The following VWA8 variants were observed in gnomAD, a reference collection of about 807,000 sequenced individuals.
VWA8 encodes von Willebrand factor A domain containing 8.
Under a neutral mutation model 241.5 loss-of-function variants are expected in VWA8, and 221 were observed. That is an observed-to-expected ratio of 0.91 (90% CI 0.82 to 1.02). VWA8 has a LOEUF of 1.02. VWA8 is among the 50% of genes least tolerant of loss of function. The probability of loss-of-function intolerance (pLI) is 0.00; values close to 1 mark genes in which losing one functional copy is unlikely to be tolerated. For synonymous variants in VWA8, 852 were observed against 827.1 expected (o/e 1.03, Z -0.52); for missense variants, 2,322 against 2,328.7 (o/e 1.00, Z 0.06).
intron 17 of VWA8, among the ~76,000 whole-genome samples, chr13:41,794,840 T>C (rs1280701143): frequency 2.6e-5 from 4 of 151,982 alleles, no homozygotes; most frequent in South Asian, 4.2e-4. Flanking sequence ...CCCAAAACCA[T>C]AGAAACCCTG....
chr13:41,919,474 G>C (rs1876411079), intron 2 of VWA8, among the ~76,000 whole-genome samples: 1 of 152,118 alleles, frequency 6.6e-6, no homozygotes, highest in Non-Finnish European at 1.5e-5. Context: ...GTTGTAACCA[G>C]AGCCACTGCT....
intron 2 of VWA8, among the ~76,000 whole-genome samples, chr13:41,944,693 A>G (rs1877767925): frequency 6.6e-6 from 1 of 152,172 alleles, no homozygotes. Context: ...GCTCCTCAAA[A>G]GCCTCAATCC....
chr13:41,754,280 T>G (rs958335258), intron 21 of VWA8, among the ~76,000 whole-genome samples: 5 of 152,084 alleles, frequency 3.3e-5, no homozygotes, highest in Non-Finnish European at 7.4e-5. Context: ...TCAAGAGATC[T>G]GATGGTTTTA....
intron 42 of VWA8, among the ~76,000 whole-genome samples, chr13:41,577,185 C>A (rs577983743): frequency 6.2e-4 from 95 of 152,350 alleles, no homozygotes; most frequent in African/African-American, 2.2e-3. Flanking sequence ...AGACACCTCA[C>A]CTCATGGGAG....
chr13:41,912,129 C>T lies in VWA8; in HGVS notation c.281G>A (p.Arg94Lys). 6.2e-7 allele frequency: 1 copy of T among 1,608,748 alleles called. No individual in the cohort carries two copies. Among genetic ancestry groups the T allele is most frequent in the South Asian group, 1.1e-5 (1 of 90,192 alleles). The change falls in exon 3 of 45, where the codon AGA becomes AAA. Residue 94 changes from arginine to lysine, a missense_variant. By Grantham distance (26) the Arg-to-Lys change is conservative (BLOSUM62 2). Transcript: ENST00000379310. ...SLAQSVVQHL[R>K]WIMQKDLLGQ... ...CAAAAGATCCTTCTGCATTATCCAT[C>T]TTAGATGCTGAACTACAGATTGAGC...
At chr13:41,615,271 GGAA>G (rs1447489557) in intron 37 of VWA8, among the ~76,000 whole-genome samples, 187 bp from the exon 38 acceptor site, 1 of 152,114 alleles carries the variant, frequency 6.6e-6, no homozygotes, top group African/African-American at 2.4e-5. Context: ...CATCTAGTTG[GGAA>G]GAAGAACTAA....
intron 37 of VWA8, among the ~76,000 whole-genome samples, chr13:41,619,833 G>C (rs991547955): frequency 2.6e-5 from 4 of 152,084 alleles, no homozygotes; most frequent in Non-Finnish European, 5.9e-5. Flanking sequence ...CTTGATCTTG[G>C]TGGATAAGCT....
intron 28 of VWA8, 55 bp downstream of exon 28, chr13:41,701,337 A>T (rs7322461): frequency 3.4e-6 from 5 of 1,472,092 alleles, no homozygotes; most frequent in South Asian, 1.6e-5. Flanking sequence ...ATTTTAATCC[A>T]TCTTTTAAAA....
At chr13:41,624,184 A>C (rs1408712671) in intron 37 of VWA8, among the ~76,000 whole-genome samples, 1 of 152,082 alleles carries the variant, frequency 6.6e-6, no homozygotes, top group Non-Finnish European at 1.5e-5. Context: ...TAATAAAAAA[A>C]CCTACCAACC....
chr13:41,746,855 C>G (rs1262133401), intron 21 of VWA8, among the ~76,000 whole-genome samples: 1 of 152,080 alleles, frequency 6.6e-6, no homozygotes, highest in Non-Finnish European at 1.5e-5. Context: ...TATATATAGG[C>G]TGAAGTGTAG....
At chr13:41,601,480 A>G (rs2044521140) in intron 40 of VWA8, among the ~76,000 whole-genome samples, 1 of 152,194 alleles carries the variant, frequency 6.6e-6, no homozygotes, top group Admixed American at 6.5e-5. Flanking sequence ...GCAATCAGAG[A>G]AAGGTTAATT....
In VWA8 at chr13:41,783,898, T is replaced by G. The variant is rs1241091227; in HGVS notation, c.2174A>C (p.Glu725Ala). The G allele has an allele frequency of 3.7e-6, 6 of 1,612,326 alleles. No homozygotes were observed. The highest frequency in any genetic ancestry group is 5.1e-6 in the Non-Finnish European group (6 of 1,178,766). Residue 725 changes from glutamate to alanine, a missense_variant, in exon 19 of 45, where the codon GAA becomes GCA. Glu to Ala is a moderately radical substitution (Grantham distance 107). Coordinates refer to ENST00000379310, the MANE Select transcript of VWA8 (RefSeq NM_015058.2). ...AATCCTCAGAGTTCCAGATGTTACT[T>G]CACCTAAACATTTCACACAGGACGG... The part of the protein sequence containing the change: ...LEPELKDYKC[E>A]VTSGTLRIGA...
Position 41,866,040 on chromosome 13 carries a change from T to C in VWA8, c.1213-4A>G. 1.9e-6 allele frequency: 3 copies of C among 1,613,634 alleles called. No individual in the cohort carries two copies. The highest frequency in any genetic ancestry group is 2.5e-6 in the Non-Finnish European group (3 of 1,179,646). On this transcript the variant is annotated splice_region_variant and splice_polypyrimidine_tract_variant and intron_variant, in intron 10 of 44. Coordinates refer to ENST00000379310, the MANE Select transcript of VWA8 (RefSeq NM_015058.2). ...ATAGCCTGGTCCCGGCTGGCACCTA[T>C]AATTAAAGAGAGGTCAATATAACAT...
At chr13:41,668,630 T>C (rs2045002391) in intron 37 of VWA8, among the ~76,000 whole-genome samples, 1 of 152,200 alleles carries the variant, frequency 6.6e-6, no homozygotes, top group Non-Finnish European at 1.5e-5. Flanking sequence ...ATAAACCACT[T>C]GTAATTAATA....
intron 37 of VWA8, among the ~76,000 whole-genome samples, chr13:41,656,042 T>C (rs1313525437): frequency 2.0e-5 from 3 of 152,194 alleles, no homozygotes; most frequent in Non-Finnish European, 2.9e-5. Context: ...AAGGGAGTCA[T>C]AATTACAATA....
intron 37 of VWA8, among the ~76,000 whole-genome samples, chr13:41,627,470 G>A (rs1295692868): frequency 6.6e-6 from 1 of 152,112 alleles, no homozygotes; most frequent in African/African-American, 2.4e-5. Context: ...GGCCGCTCAG[G>A]GAGAGAGAAC....
chr13:41,906,638 A>T (rs1420954460), intron 4 of VWA8, among the ~76,000 whole-genome samples: 1 of 152,176 alleles, frequency 6.6e-6, no homozygotes, highest in Admixed American at 6.5e-5. Flanking sequence ...AATTTCAAAC[A>T]ATGTTACATT....
In VWA8 at chr13:41,777,983, A is replaced by T. The variant is rs1868687806; in HGVS notation, c.2349+2T>A. 1 of 1,608,462 alleles carries T rather than the reference A, an allele frequency of 6.2e-7. No individual in the cohort carries two copies. The highest frequency in any genetic ancestry group is 1.3e-5 in the African/African-American group (1 of 74,656). ...GGTACCTAGATTTTAGCCATAACTC[A>T]CCTGGTTGCCAACCAATAATAAGTG... On this transcript the variant is annotated splice_donor_variant, in intron 20 of 44. Coordinates refer to ENST00000379310, the MANE Select transcript of VWA8 (RefSeq NM_015058.2). LOFTEE classifies it high-confidence loss of function.
chr13:41,863,916 TGTAAA>T (rs2138047056), intron 12 of VWA8, among the ~76,000 whole-genome samples: 1 of 152,070 alleles, frequency 6.6e-6, no homozygotes, highest in Non-Finnish European at 1.5e-5. Flanking sequence ...AATTTACCCA[TGTAAA>T]TTGTGACCTG....
Sources: allele counts gnomAD v4.1 joint callset (sites outside exome capture counted in the v4.1 genomes callset), GRCh38; gene constraint gnomAD v4.1.1; transcripts MANE v1.5; gene names NCBI Gene and HGNC (gene_info 2026-07-23, HGNC 2026-07-21).